The following RSU1 variants were observed in gnomAD, a reference collection of about 807,000 sequenced individuals.
The protein encoded by RSU1 is rsu-1.
In RSU1, 26 loss-of-function variants were observed where a neutral mutation model predicts 31.1. That is an observed-to-expected ratio of 0.84 (90% CI 0.61 to 1.16). The LOEUF (loss-of-function observed/expected upper bound fraction) is 1.16. RSU1 is among the 50% of genes most tolerant of loss of function. RSU1 has a pLI of 0.00. For missense variants in RSU1, 320 were observed against 339.1 expected, an observed-to-expected ratio of 0.94 and a Z score of 0.44; for synonymous variants, 164 against 136.3, an observed-to-expected ratio of 1.20 and a Z score of -1.41.
At chr10:16,771,407 C>T (rs1485238662) in intron 3 of RSU1, among the ~76,000 whole-genome samples, 1 of 152,160 alleles carries the variant, frequency 6.6e-6, no homozygotes, top group Non-Finnish European at 1.5e-5. Flanking sequence ...AGTAAAAGCA[C>T]AGCCTTTTTA....
intron 5 of RSU1, among the ~76,000 whole-genome samples, chr10:16,753,221 C>T (rs756469248): frequency 1.3e-5 from 2 of 152,142 alleles, no homozygotes; most frequent in Admixed American, 1.3e-4. Flanking sequence ...AGAGGAATGA[C>T]GCAATTAACA....
chr10:16,639,452 C>T (rs1463284782), intron 8 of RSU1, among the ~76,000 whole-genome samples: 1 of 152,150 alleles, frequency 6.6e-6, no homozygotes, highest in East Asian at 1.9e-4. Flanking sequence ...TAAGGCAATC[C>T]TATTGATTAG....
rs1835703976 is a variant in RSU1, at chr10:16,697,590, G to A, written c.599-2435C>T. ...GAGGCAGGAGAACTGCATGAACCTG[G>A]GAGGCGGAGGTTGCAGTGAGCCGAA... On this transcript the variant is annotated intron_variant, in intron 7 of 8. Coordinates refer to ENST00000345264, the MANE Select transcript of RSU1 (RefSeq NM_012425.4). 2.0e-5 allele frequency among the ~76,000 whole-genome samples: 3 copies of A among 152,122 alleles called. No homozygotes were observed. In the South Asian group the frequency reaches 6.2e-4, roughly 32 times the overall value.
intron 3 of RSU1, among the ~76,000 whole-genome samples, chr10:16,769,394 C>T (rs1837378080): frequency 6.6e-6 from 1 of 152,248 alleles, no homozygotes; most frequent in Admixed American, 6.5e-5. Context: ...ACAGCAGCCC[C>T]ATTTCAAGAG....
intron 4 of RSU1, among the ~76,000 whole-genome samples, chr10:16,757,764 T>C (rs2131625162): frequency 6.6e-6 from 1 of 152,358 alleles, no homozygotes; most frequent in Admixed American, 6.5e-5. Flanking sequence ...ACAAGGATTC[T>C]GAGAAGAATT....
At chr10:16,619,217 C>T (rs964067128) in intron 8 of RSU1, among the ~76,000 whole-genome samples, 1 of 152,214 alleles carries the variant, frequency 6.6e-6, no homozygotes, top group Non-Finnish European at 1.5e-5. Flanking sequence ...AGAATACTCA[C>T]GTAGTTTACA....
intron 7 of RSU1, among the ~76,000 whole-genome samples, chr10:16,695,887 G>C (rs898487489): frequency 1.1e-4 from 17 of 152,098 alleles, no homozygotes; most frequent in Admixed American, 5.9e-4. Context: ...TGTCTGGTGA[G>C]GCCATCAGGT....
intron 7 of RSU1, among the ~76,000 whole-genome samples, chr10:16,715,067 C>T (rs533112221): frequency 2.0e-5 from 3 of 152,348 alleles, no homozygotes; most frequent in Admixed American, 1.3e-4. Context: ...CAGGATGCCT[C>T]GCTCACCTGT....
chr10:16,758,347 C>T (rs961498696), intron 4 of RSU1, among the ~76,000 whole-genome samples: 1 of 152,296 alleles, frequency 6.6e-6, no homozygotes, highest in South Asian at 2.1e-4. Context: ...GGCTGTCCCC[C>T]CTCCCTCCAG....
chr10:16,750,615 AAAATG>A (rs1173197195), intron 7 of RSU1, among the ~76,000 whole-genome samples: 1 of 152,208 alleles, frequency 6.6e-6, no homozygotes, highest in African/African-American at 2.4e-5. Context: ...CACTGCTTGA[AAAATG>A]AAATAAGATC....
intron 8 of RSU1, among the ~76,000 whole-genome samples, chr10:16,687,606 T>C (rs1002327997): frequency 6.6e-6 from 1 of 152,190 alleles, no homozygotes; most frequent in African/African-American, 2.4e-5. Context: ...CTTCCTTACA[T>C]CCTCTGTATT....
At chr10:16,727,721 A>G (rs1836427179) in intron 7 of RSU1, among the ~76,000 whole-genome samples, 1 of 152,162 alleles carries the variant, frequency 6.6e-6, no homozygotes, top group South Asian at 2.1e-4. Context: ...AAATTTTTAA[A>G]ACAGCATTCA....
intron 7 of RSU1, among the ~76,000 whole-genome samples, chr10:16,732,748 A>G (rs1220808241): frequency 6.6e-6 from 1 of 152,216 alleles, no homozygotes; most frequent in Admixed American, 6.5e-5. Flanking sequence ...CAGGTTAACT[A>G]TTCTTCAAGT....
intron 8 of RSU1, among the ~76,000 whole-genome samples, chr10:16,616,481 A>C (rs1426313073): frequency 6.6e-6 from 1 of 152,128 alleles, no homozygotes; most frequent in Non-Finnish European, 1.5e-5. Flanking sequence ...TCCAAATAAT[A>C]GAAAAAGAGG....
At chr10:16,639,948 G>C (rs1359207148) in intron 8 of RSU1, among the ~76,000 whole-genome samples, 1 of 152,120 alleles carries the variant, frequency 6.6e-6, no homozygotes, top group Non-Finnish European at 1.5e-5. Flanking sequence ...ATATAAATGA[G>C]ACAATATATT....
chr10:16,692,115 G>C (rs368772801), intron 8 of RSU1, among the ~76,000 whole-genome samples: 1 of 152,042 alleles, frequency 6.6e-6, no homozygotes, highest in South Asian at 2.1e-4. Context: ...GGCTCCATGA[G>C]GAAATGAAAC....
chr10:16,812,976 G>A (rs1335301751), intron 2 of RSU1, among the ~76,000 whole-genome samples: 1 of 132,618 alleles, frequency 7.5e-6, no homozygotes, highest in Non-Finnish European at 1.6e-5. Context: ...TTACGATTAT[G>A]CTGGGAAGCT....
intron 8 of RSU1, among the ~76,000 whole-genome samples, chr10:16,631,868 T>C (rs1054585043): frequency 6.6e-6 from 1 of 152,184 alleles, no homozygotes; most frequent in African/African-American, 2.4e-5. Context: ...CCCAGAAATG[T>C]TGATTTCATC....
At chr10:16,767,376 A>G (rs1014552769) in intron 3 of RSU1, 1 of 152,198 alleles carries the variant, frequency 6.6e-6, no homozygotes, top group African/African-American at 2.4e-5. Flanking sequence ...ACAGGATGAG[A>G]GATTATTTCA....
Sources: allele counts gnomAD v4.1 joint callset (sites outside exome capture counted in the v4.1 genomes callset), GRCh38; gene constraint gnomAD v4.1.1; transcripts MANE v1.5; gene names NCBI Gene and HGNC (gene_info 2026-07-23, HGNC 2026-07-21).